Variants in PRR16 observed in about 807,000 individuals in gnomAD.
PRR16 encodes the protein protein Largen.
PRR16 carries 6 observed loss-of-function variants against 18.2 expected under a neutral mutation model. That is an observed-to-expected ratio of 0.33 (90% confidence interval 0.18 to 0.65). The LOEUF (loss-of-function observed/expected upper bound fraction) is 0.65, where lower values mean the gene tolerates loss of function less well. Among genes scored for constraint, PRR16 ranks in the 30% least tolerant of loss-of-function variants. PRR16 has a pLI of 0.74. For missense variants in PRR16, 412 were observed against 376.6 expected, an observed-to-expected ratio of 1.09 and a Z score of -0.78; for synonymous variants, 151 against 147.8, an observed-to-expected ratio of 1.02 and a Z score of -0.16.
chr5:120,526,247 C>T (rs1430216072), intron 1 of PRR16, among the ~76,000 whole-genome samples: 1 of 152,158 alleles, frequency 6.6e-6, no homozygotes, highest in African/African-American at 2.4e-5. Flanking sequence ...TTTTCCTTTT[C>T]ATACACCAGA....
chr5:120,732,621 C>G, the PRR16 span, among the ~76,000 whole-genome samples: 1 of 152,030 alleles, frequency 6.6e-6, no homozygotes, highest in African/African-American at 2.4e-5. Flanking sequence ...GTGCCTTTAC[C>G]CCATCTGGCA....
At chr5:120,586,913 C>G (rs559358869) in intron 1 of PRR16, among the ~76,000 whole-genome samples, 43 of 152,280 alleles carry the variant, frequency 2.8e-4, no homozygotes, top group African/African-American at 1.0e-3. Flanking sequence ...AAAGCTAGGC[C>G]TCTTGCACCA....
the PRR16 span, among the ~76,000 whole-genome samples, chr5:120,750,471 C>G: frequency 6.6e-6 from 1 of 151,644 alleles, no homozygotes; most frequent in Non-Finnish European, 1.5e-5. Flanking sequence ...CCAGCCTGAT[C>G]AACATGGTGA....
chr5:120,602,007 G>C (rs944450589), intron 1 of PRR16, among the ~76,000 whole-genome samples: 2 of 151,880 alleles, frequency 1.3e-5, no homozygotes, highest in African/African-American at 4.8e-5. Flanking sequence ...TGATGGCCCA[G>C]CCTGGTACTT....
the PRR16 span, among the ~76,000 whole-genome samples, chr5:120,767,049 A>C: frequency 6.6e-6 from 1 of 151,994 alleles, no homozygotes; most frequent in African/African-American, 2.4e-5. Flanking sequence ...TTATGTATCC[A>C]TTCTTTAAGT....
At chr5:120,677,601 A>G (rs1311391258) in intron 1 of PRR16, among the ~76,000 whole-genome samples, 2 of 152,196 alleles carry the variant, frequency 1.3e-5, no homozygotes, top group African/African-American at 2.4e-5. Context: ...ACAGGAATCT[A>G]TAAATCTTCT....
At position 120,493,246 on chromosome 5, in the gene PRR16, C is replaced by A. The variant is rs1053521708; in HGVS notation, c.159+28601C>A. On this transcript the variant is annotated intron_variant, in intron 1 of 1. Coordinates refer to ENST00000407149, the MANE Select transcript of PRR16 (RefSeq NM_001300783.2). ...CTGTTTTTTTACTTTTTAATTATGG[C>A]CATTCTTGCAGAAATAAGGTGGTAT... Among the ~76,000 whole-genome samples the A allele has an allele frequency of 2.6e-5, 4 of 152,244 alleles. No homozygotes were observed. In the South Asian group the frequency reaches 8.3e-4, roughly 32 times the overall value.
At chr5:120,743,731 T>C in the PRR16 span, among the ~76,000 whole-genome samples, 1 of 152,210 alleles carries the variant, frequency 6.6e-6, no homozygotes, top group South Asian at 2.1e-4. Flanking sequence ...CATTTACATC[T>C]TATTAATTGA....
At chr5:120,773,337 A>C in the PRR16 span, among the ~76,000 whole-genome samples, 1 of 152,272 alleles carries the variant, frequency 6.6e-6, no homozygotes, top group South Asian at 2.1e-4. Context: ...ATAAGGACTG[A>C]GTTTGTTTTG....
In PRR16 at chr5:120,556,948, GAAA is replaced by G. The variant is rs75615628; in HGVS notation, c.159+92314_159+92316del. Among the ~76,000 whole-genome samples, 4 of 140,432 alleles carry G rather than the reference GAAA, an allele frequency of 2.8e-5. No homozygotes were observed. The East Asian group carries it at 8.2e-4, about 29-fold the overall frequency. The allele number at this position is 140,432 out of a possible 152,430, so 92.1% of individuals were successfully genotyped here. A position where few individuals can be genotyped will look rare whatever the true frequency, so the allele number is the denominator to read the frequency against. On this transcript the variant is annotated intron_variant, in intron 1 of 1. Coordinates refer to ENST00000407149, the MANE Select transcript of PRR16 (RefSeq NM_001300783.2). ...TAACCAGTAGACCCAACTGCTACAT[GAAA>G]AAAAAAAAAAGTCATCTAGGGTATG...
chr5:120,732,332 T>C, the PRR16 span, among the ~76,000 whole-genome samples: 3 of 152,154 alleles, frequency 2.0e-5, no homozygotes, highest in African/African-American at 7.2e-5. Flanking sequence ...CACTAGACTT[T>C]TCCTCCATTT....
At chr5:120,742,368 T>C in the PRR16 span, among the ~76,000 whole-genome samples, 18 of 151,380 alleles carry the variant, frequency 1.2e-4, no homozygotes, top group African/African-American at 4.4e-4. Flanking sequence ...GGAAAGTTTA[T>C]AATGCTCTTT....
the PRR16 span, among the ~76,000 whole-genome samples, chr5:120,721,711 A>G: frequency 6.6e-6 from 1 of 152,022 alleles, no homozygotes; most frequent in Non-Finnish European, 1.5e-5. Context: ...ACTGCCTTAC[A>G]TTTTAAAATT....
At chr5:120,722,608 C>T in the PRR16 span, among the ~76,000 whole-genome samples, 1 of 151,830 alleles carries the variant, frequency 6.6e-6, no homozygotes, top group East Asian at 1.9e-4. Context: ...CACTAAAATC[C>T]TGGTAAAAGA....
chr5:120,761,833 T>C, the PRR16 span, among the ~76,000 whole-genome samples: 2 of 152,138 alleles, frequency 1.3e-5, no homozygotes, highest in South Asian at 4.1e-4. Context: ...TAACTGTATG[T>C]TTGTACCCAT....
chr5:120,757,997 C>T, the PRR16 span, among the ~76,000 whole-genome samples: 2 of 146,210 alleles, frequency 1.4e-5, no homozygotes, highest in Admixed American at 1.4e-4. Context: ...GAATGTAAAA[C>T]TATTTTTAAT....
the PRR16 span, among the ~76,000 whole-genome samples, chr5:120,731,113 G>A: frequency 2.6e-5 from 4 of 152,052 alleles, no homozygotes; most frequent in Non-Finnish European, 4.4e-5. Context: ...TGAGGTATAA[G>A]TTATACTTTA....
the PRR16 span, among the ~76,000 whole-genome samples, chr5:120,738,780 A>G: frequency 2.0e-5 from 3 of 152,176 alleles, no homozygotes; most frequent in African/African-American, 7.2e-5. Flanking sequence ...GTCAGTAATC[A>G]TAGCTTTTAG....
chr5:120,649,152 A>G (rs1755693079), intron 1 of PRR16, among the ~76,000 whole-genome samples: 1 of 152,162 alleles, frequency 6.6e-6, no homozygotes, highest in South Asian at 2.1e-4. Flanking sequence ...GGAAGAAGAT[A>G]TAACTTAAGT....
Sources: gnomAD v4.1 joint callset for allele counts (sites outside exome capture counted in the v4.1 genomes callset) on GRCh38, gnomAD v4.1.1 for gene constraint, MANE v1.5 for transcripts, NCBI Gene and HGNC (gene_info 2026-07-23, HGNC 2026-07-21) for gene names.